The following ST18 variants were observed in gnomAD, a reference collection of about 807,000 sequenced individuals.
ST18 encodes the protein ST18 C2H2C-type zinc finger transcription factor.
ST18 carries 50 observed loss-of-function variants against 110.0 expected under a neutral mutation model. The observed-to-expected ratio is 0.45, with a 90% confidence interval of 0.36 to 0.58. The LOEUF is 0.58. Among genes scored for constraint, ST18 ranks in the 20% least tolerant of loss-of-function variants. The pLI is 0.00. For synonymous variants in ST18, 461 were observed against 452.4 expected (o/e 1.02, Z -0.24); for missense variants, 1,306 against 1,280.1 (o/e 1.02, Z -0.31).
At chr8:52,291,057 G>A (rs777532420) in intron 2 of ST18, among the ~76,000 whole-genome samples, 28 of 152,080 alleles carry the variant, frequency 1.8e-4, no homozygotes, top group Middle Eastern at 3.2e-3. Context: ...TCATCAGGGC[G>A]CCCCATTGAG....
At chr8:52,231,204 T>C (rs961209364) in intron 2 of ST18, among the ~76,000 whole-genome samples, 3 of 152,230 alleles carry the variant, frequency 2.0e-5, no homozygotes, top group Non-Finnish European at 2.9e-5. Flanking sequence ...CTTTTATCTA[T>C]ATAATGGCTC....
chr8:52,293,023 C>A (rs902579631), intron 2 of ST18, among the ~76,000 whole-genome samples: 2 of 152,188 alleles, frequency 1.3e-5, no homozygotes, highest in African/African-American at 4.8e-5. Context: ...ATTAATCGAT[C>A]GTGAGAATTA....
At chr8:52,125,328 A>T (rs2046578005) in intron 23 of ST18, among the ~76,000 whole-genome samples, 1 of 152,144 alleles carries the variant, frequency 6.6e-6, no homozygotes, top group Admixed American at 6.5e-5. Flanking sequence ...ATTCACATAC[A>T]GATGCCAGAA....
intron 2 of ST18, among the ~76,000 whole-genome samples, chr8:52,268,181 G>C (rs926699288): frequency 5.3e-5 from 8 of 152,212 alleles, no homozygotes; most frequent in Non-Finnish European, 1.0e-4. Context: ...TCCAGCAACT[G>C]AGTGGTAATG....
chr8:52,388,698 G>A (rs1172777865), intron 2 of ST18, among the ~76,000 whole-genome samples: 2 of 151,484 alleles, frequency 1.3e-5, no homozygotes, highest in African/African-American at 4.9e-5. Context: ...AGTCTACTCA[G>A]ATGGGAGGTC....
chr8:52,291,887 G>T (rs962260383), intron 2 of ST18, among the ~76,000 whole-genome samples: 2 of 151,930 alleles, frequency 1.3e-5, no homozygotes, highest in African/African-American at 4.8e-5. Flanking sequence ...TGATCCTCCC[G>T]CCCCAGTCTC....
At chr8:52,226,228 G>A (rs183579401) in intron 3 of ST18, among the ~76,000 whole-genome samples, 3 of 152,290 alleles carry the variant, frequency 2.0e-5, no homozygotes, top group East Asian at 3.9e-4. Flanking sequence ...TCAACAAAGC[G>A]TTGACCATGA....
chr8:52,332,167 T>G (rs1379271638), intron 2 of ST18, among the ~76,000 whole-genome samples: 2 of 152,102 alleles, frequency 1.3e-5, no homozygotes, highest in African/African-American at 4.8e-5. Context: ...ATATTAAATA[T>G]TATACTAAAC....
intron 2 of ST18, among the ~76,000 whole-genome samples, chr8:52,265,599 C>A (rs1478621654): frequency 1.3e-5 from 2 of 152,078 alleles, no homozygotes; most frequent in African/African-American, 4.8e-5. Context: ...GGAATAGAAT[C>A]CACAGAATTT....
intron 2 of ST18, among the ~76,000 whole-genome samples, chr8:52,341,252 G>A (rs1430396392): frequency 6.6e-6 from 1 of 152,200 alleles, no homozygotes; most frequent in Non-Finnish European, 1.5e-5. Flanking sequence ...CAAACACGTG[G>A]AAAGGGATAA....
intron 2 of ST18, among the ~76,000 whole-genome samples, chr8:52,234,854 T>C (rs186403071): frequency 6.6e-6 from 1 of 151,836 alleles, no homozygotes; most frequent in Non-Finnish European, 1.5e-5. Flanking sequence ...CTAAGTGAAG[T>C]AACTCAGGAA....
At chr8:52,201,676 C>T (rs890635454) in intron 8 of ST18, among the ~76,000 whole-genome samples, 1 of 152,220 alleles carries the variant, frequency 6.6e-6, no homozygotes, top group Non-Finnish European at 1.5e-5. Flanking sequence ...CCATCCGTGC[C>T]TGGCTGCCCA....
At chr8:52,380,251 T>A (rs891038955) in intron 2 of ST18, among the ~76,000 whole-genome samples, 3 of 152,250 alleles carry the variant, frequency 2.0e-5, no homozygotes, top group African/African-American at 2.4e-5. Context: ...TATTCATTTA[T>A]ACAATACAGA....
At chr8:52,207,582 G>A (rs1168798948) in intron 8 of ST18, among the ~76,000 whole-genome samples, 1 of 152,130 alleles carries the variant, frequency 6.6e-6, no homozygotes, top group East Asian at 1.9e-4. Flanking sequence ...ACAGGAAAAT[G>A]CCAAATGATA....
intron 2 of ST18, among the ~76,000 whole-genome samples, chr8:52,314,650 A>G (rs556180811): frequency 1.1e-4 from 17 of 152,138 alleles, no homozygotes; most frequent in African/African-American, 4.1e-4. Context: ...ATGCCTGCAA[A>G]CTTAAGCTAT....
At chr8:52,389,359 G>C (rs1184484049) in intron 2 of ST18, among the ~76,000 whole-genome samples, 1 of 152,206 alleles carries the variant, frequency 6.6e-6, no homozygotes, top group Non-Finnish European at 1.5e-5. Context: ...ACAAGGGATG[G>C]TGTGCTCCAG....
intron 8 of ST18, among the ~76,000 whole-genome samples, chr8:52,208,360 T>C (rs1235567618): frequency 6.6e-6 from 1 of 152,206 alleles, no homozygotes; most frequent in Non-Finnish European, 1.5e-5. Flanking sequence ...GGCACACAGT[T>C]GTGCTGGATC....
intron 2 of ST18, among the ~76,000 whole-genome samples, chr8:52,369,950 T>C (rs1242993989): frequency 1.3e-5 from 2 of 152,210 alleles, no homozygotes; most frequent in Non-Finnish European, 2.9e-5. Context: ...TAGAATAGCA[T>C]GTGGCAGTAT....
intron 2 of ST18, among the ~76,000 whole-genome samples, chr8:52,314,889 G>A (rs771148165): frequency 6.6e-6 from 1 of 152,148 alleles, no homozygotes. Context: ...AGCCAGCCTC[G>A]ATTCTAAAGC....
Sources: gnomAD v4.1 joint callset for allele counts (sites outside exome capture counted in the v4.1 genomes callset) on GRCh38, gnomAD v4.1.1 for gene constraint, MANE v1.5 for transcripts, NCBI Gene and HGNC (gene_info 2026-07-23, HGNC 2026-07-21) for gene names.